The following KIAA1755 variants were observed in gnomAD, a reference collection of about 807,000 sequenced individuals.
KIAA1755 encodes uncharacterized protein KIAA1755.
A neutral mutation model predicts 91.7 loss-of-function variants in KIAA1755; 68 were observed. The ratio of observed to expected loss-of-function variants is 0.74; its 90% CI spans 0.61 to 0.91. KIAA1755 has a LOEUF of 0.91. Ranked by LOEUF, KIAA1755 falls within the 40% of genes least tolerant of loss-of-function variation. The probability of loss-of-function intolerance (pLI) is 0.00; values close to 1 mark genes in which losing one functional copy is unlikely to be tolerated. For missense variants in KIAA1755, 1,535 were observed against 1,494.4 expected (o/e 1.03, Z -0.45); for synonymous variants, 610 against 604.6 (o/e 1.01, Z -0.13).
intron 5 of KIAA1755, among the ~76,000 whole-genome samples, chr20:38,229,307 C>G (rs1600598246): frequency 6.6e-6 from 1 of 152,296 alleles, no homozygotes; most frequent in Non-Finnish European, 1.5e-5. Flanking sequence ...TGAATTCATT[C>G]TTGTAAAGCA....
Position 38,231,322 on chromosome 20 carries a change from C to G in KIAA1755, c.1751G>C (p.Gly584Ala). The G allele has an allele frequency of 1.2e-6, 2 of 1,607,228 alleles. No individual in the cohort carries two copies. Among genetic ancestry groups the G allele is most frequent in the Non-Finnish European group, 1.7e-6 (2 of 1,177,838 alleles). ...CAGGGGCCGCCCGGCCCTGTCCCGGCCACCTGGAGGACAGAGGGCACACGT... is the reference window on the plus strand; with the variant it reads ...CAGGGGCCGCCCGGCCCTGTCCCGGGCACCTGGAGGACAGAGGGCACACGT... Reference protein sequence around the residue: ...FRSRIACLPGGRDRAGRPLLL... With the variant: ...FRSRIACLPGARDRAGRPLLL... The change falls in exon 5 of 14, where the codon GGC (glycine) becomes GCC (alanine). Residue 584 changes from glycine to alanine, a missense_variant. Transcript: ENST00000279024.
At position 38,241,676 on chromosome 20, in the gene KIAA1755, GC is replaced by G. The variant is rs745993092; in HGVS notation, c.454del (p.Ala152ProfsTer16). On this transcript the variant is annotated frameshift_variant, in exon 3 of 14. Coordinates refer to ENST00000279024, the MANE Select transcript of KIAA1755 (RefSeq NM_001029864.2). LOFTEE classifies it high-confidence loss of function. ...ATTTCCCTCAAAGTCACTGTTGATG[GC>G]CTCCAGCCATTCTTGGGTGAAAAGT... Reference protein sequence around the residue: ...PILFTQEWLEAINSDFEGNPL... With the variant: ...PILFTQEWLEXINSDFEGNPL... 3.7e-6 allele frequency: 6 copies of G among 1,614,170 alleles called. No homozygotes were observed. In the Admixed American group the frequency reaches 1.0e-4, roughly 27 times the overall value.
Position 38,241,308 on chromosome 20 carries a change from A to G in KIAA1755, c.823T>C (p.Tyr275His), listed in dbSNP as rs911889376. The stretch of plus-strand genomic sequence containing the variant: ...TGGGAAAAGCCTAGGAGAGCCACAT[A>G]GTCTCCCTCGAAGTCCTGGCTGACC... ...EVVSQDFEGD[Y>H]VALLGFSQES... Residue 275 changes from tyrosine (Y) to histidine (H), a missense_variant, in exon 3 of 14, where the codon TAT becomes CAT. Tyr to His is a moderately conservative substitution (Grantham distance 83, BLOSUM62 2). Transcript: ENST00000279024. The G allele has an allele frequency of 6.8e-6, 11 of 1,614,124 alleles. No individual in the cohort carries two copies. The highest frequency in any genetic ancestry group is 9.3e-6 in the Non-Finnish European group (11 of 1,180,012).
At chr20:38,233,707 C>CT (rs1244374242) in intron 4 of KIAA1755, 1 of 152,206 alleles carries the variant, frequency 6.6e-6, no homozygotes, top group Admixed American at 6.5e-5. Flanking sequence ...CTATAACCTT[C>CT]TATGGCTCCT....
intron 9 of KIAA1755, 122 bp downstream of exon 9, chr20:38,223,416 A>G: frequency 3.0e-6 from 2 of 662,440 alleles, no homozygotes; most frequent in Non-Finnish European, 4.8e-6. Context: ...GAGTCAAATG[A>G]ATGATGAAAA....
At chr20:38,251,691 A>G (rs948561424) in intron 1 of KIAA1755, among the ~76,000 whole-genome samples, 6 of 150,254 alleles carry the variant, frequency 4.0e-5, no homozygotes, top group African/African-American at 1.5e-4. Flanking sequence ...TCAGCCTCCC[A>G]TGTAGCTGGG....
intron 1 of KIAA1755, among the ~76,000 whole-genome samples, chr20:38,259,268 C>A (rs1021049267): frequency 2.0e-5 from 3 of 152,050 alleles, no homozygotes; most frequent in Non-Finnish European, 4.4e-5. Context: ...TACACCTGTC[C>A]CCGCAGTGCA....
chr20:38,260,440 G>A, intron 1 of KIAA1755, 58 bp downstream of exon 1: 1 of 1,555,358 alleles, frequency 6.4e-7, no homozygotes, highest in South Asian at 1.2e-5. Flanking sequence ...AGGGAATGGG[G>A]AGGGCTGTGC....
At position 38,241,640 on chromosome 20, in the gene KIAA1755, T is replaced by C. The variant is rs1488304125; in HGVS notation, c.491A>G (p.Asn164Ser). The C allele has an allele frequency of 3.7e-6, 6 of 1,614,116 alleles. No homozygotes were observed. The African/African-American group carries it at 5.3e-5, about 14-fold the overall frequency. ...CCCATTTTCTGATGCTACCAAGCAG[T>C]TGTGTAGGGGATTTCCCTCAAAGTC... is the stretch of plus-strand genomic sequence containing the variant. ...NSDFEGNPLH[N>S]CLVASENGIA... The change falls in exon 3 of 14, where the codon AAC becomes AGC. Residue 164 changes from asparagine to serine, a missense_variant. Coordinates refer to ENST00000279024, the MANE Select transcript of KIAA1755 (RefSeq NM_001029864.2).
chr20:38,213,955 C>G (rs1451313475), intron 13 of KIAA1755, among the ~76,000 whole-genome samples: 1 of 142,876 alleles, frequency 7.0e-6, no homozygotes, highest in Admixed American at 6.9e-5. Flanking sequence ...CATCAGACAC[C>G]TTTTTTTTTT....
chr20:38,225,461 C>G, intron 8 of KIAA1755: 2 of 573,502 alleles, frequency 3.5e-6, no homozygotes, highest in South Asian at 2.1e-5. Context: ...CAAAATCACA[C>G]AGCAGAGCTG....
chr20:38,213,761 A>AG lies in KIAA1755; in HGVS notation c.2902-19dup, dbSNP rs759694899. 1 of 1,439,040 alleles carries AG rather than the reference A, an allele frequency of 6.9e-7. No individual in the cohort carries two copies. Among genetic ancestry groups the AG allele is most frequent in the Non-Finnish European group, 9.1e-7 (1 of 1,094,406 alleles). 89.1% of individuals were successfully genotyped at this position (1,439,040 alleles called of 1,614,324 possible). A position where few individuals can be genotyped will look rare whatever the true frequency, so the allele number is the denominator to read the frequency against. On this transcript the variant is annotated intron_variant, in intron 13 of 13. Coordinates refer to ENST00000279024, the MANE Select transcript of KIAA1755 (RefSeq NM_001029864.2). ...CAGGTCATCTGGGGGACAAGAAGAG[A>AG]GGGAGGTGGGGGCTCAGGCTGGAAG...
chr20:38,222,744 C>A lies in KIAA1755; in HGVS notation c.2269-147G>T, dbSNP rs192653829. ...CTGTCATTTCTGTCTCTAAAACATC[C>A]CCTCTAGCCATGTCCCCTCTCGTCA... is the stretch of plus-strand genomic sequence containing the variant. On this transcript the variant is annotated intron_variant, in intron 9 of 13. Coordinates refer to ENST00000279024, the MANE Select transcript of KIAA1755 (RefSeq NM_001029864.2). 2.7e-3 allele frequency: 2,290 copies of A among 843,552 alleles called. 9 individuals are homozygous for A. Among genetic ancestry groups the A allele is most frequent in the Middle Eastern group, 3.9e-3 (18 of 4,588 alleles). The allele number at this position is 843,552 out of a possible 1,614,324, so 52.3% of individuals were successfully genotyped here. A position where few individuals can be genotyped will look rare whatever the true frequency, so the allele number is the denominator to read the frequency against.
In KIAA1755 at chr20:38,213,476, A is replaced by G; in HGVS notation, c.3169T>C (p.Cys1057Arg). 6.2e-7 allele frequency: 1 copy of G among 1,606,600 alleles called. No homozygotes were observed. The highest frequency in any genetic ancestry group is 8.5e-7 in the Non-Finnish European group (1 of 1,176,734). The change falls in exon 14 of 14, where the codon TGC becomes CGC. Residue 1057 changes from cysteine (C) to arginine (R), a missense_variant. Transcript: ENST00000279024. ...LLEKALTHSS[C>R]PEAPAAHSAR... Reference sequence around the variant, plus strand: ...GAGTGAGCAGCTGGAGCCTCTGGGCAAGAGCTGTGGGTCAGTGCCTTCTCC... The same window carrying G: ...GAGTGAGCAGCTGGAGCCTCTGGGCGAGAGCTGTGGGTCAGTGCCTTCTCC...
At chr20:38,238,142 C>T (rs2075991995) in intron 4 of KIAA1755, among the ~76,000 whole-genome samples, 1 of 152,124 alleles carries the variant, frequency 6.6e-6, no homozygotes, top group Admixed American at 6.5e-5. Context: ...AGAACTAAAA[C>T]AAAGGTCACC....
chr20:38,217,392 C>G lies in KIAA1755; in HGVS notation c.2762G>C (p.Arg921Pro). ...GGCTGCCAGCTCTGGGAACTCTGCA[C>G]GTTCTGCCTCCCCAGCCCCTCTGGC... ...ATARGAGEAERAEFPELAAFA... is the reference protein window; with the variant it reads ...ATARGAGEAEPAEFPELAAFA... The change falls in exon 13 of 14, where the codon CGT becomes CCT. Residue 921 changes from arginine to proline, a missense_variant. By Grantham distance (103) the Arg-to-Pro change is moderately radical. Transcript: ENST00000279024. The G allele has an allele frequency of 1.2e-6, 2 of 1,613,408 alleles. No individual in the cohort carries two copies. The highest frequency in any genetic ancestry group is 1.7e-4 in the Middle Eastern group (1 of 6,058).
chr20:38,218,812 C>T (rs1042751704), intron 11 of KIAA1755, among the ~76,000 whole-genome samples: 1 of 152,182 alleles, frequency 6.6e-6, no homozygotes, highest in Non-Finnish European at 1.5e-5. Context: ...GTCCATGGGC[C>T]TGCTGGGAAC....
intron 1 of KIAA1755, chr20:38,260,258 T>C (rs2076423187): frequency 1.9e-6 from 3 of 1,543,648 alleles, no homozygotes; most frequent in South Asian, 1.2e-5. Flanking sequence ...AGTTTACAAG[T>C]ACAATCTTAC....
chr20:38,225,648 GCTGTGACGGTAAACAC>G lies in KIAA1755; in HGVS notation c.2169+1_2169+16del, dbSNP rs745940784. 30 of 1,495,208 alleles carry G rather than the reference GCTGTGACGGTAAACAC, an allele frequency of 2.0e-5. No homozygotes were observed. Among genetic ancestry groups the G allele is most frequent in the Non-Finnish European group, 2.4e-5 (26 of 1,071,716 alleles). 92.6% of individuals were successfully genotyped at this position (1,495,208 alleles called of 1,614,324 possible). A position where few individuals can be genotyped will look rare whatever the true frequency, so the allele number is the denominator to read the frequency against. On this transcript the variant is annotated splice_donor_variant and splice_donor_5th_base_variant and intron_variant, in intron 8 of 13. Coordinates refer to ENST00000279024, the MANE Select transcript of KIAA1755 (RefSeq NM_001029864.2). LOFTEE classifies it high-confidence loss of function. The stretch of plus-strand genomic sequence containing the variant: ...AAGGAGTGGGGGTCAGGGGCTAAAG[GCTGTGACGGTAAACAC>G]CTGGAAGAAATGAACCCACTCGGTG...
Sources: allele counts gnomAD v4.1 joint callset (sites outside exome capture counted in the v4.1 genomes callset), GRCh38; gene constraint gnomAD v4.1.1; transcripts MANE v1.5; gene names NCBI Gene and HGNC (gene_info 2026-07-23, HGNC 2026-07-21).